Variants in AP3D1 observed in about 807,000 individuals in gnomAD.
AP3D1 encodes AP-3 complex subunit delta-1.
AP3D1 carries 51 observed loss-of-function variants against 147.6 expected under a neutral mutation model. The observed-to-expected ratio is 0.35, with a 90% CI of 0.28 to 0.44. The LOEUF (loss-of-function observed/expected upper bound fraction) is 0.44. Ranked by LOEUF, AP3D1 falls within the 20% of genes least tolerant of loss-of-function variation. The pLI is 1.00. For missense variants in AP3D1, 1,421 were observed against 1,624.2 expected, an observed-to-expected ratio of 0.87 and a Z score of 2.15; for synonymous variants, 760 against 663.0, an observed-to-expected ratio of 1.15 and a Z score of -2.25.
At chr19:2,138,537 G>GA (rs1484284955) in intron 2 of AP3D1, 82 bp downstream of exon 2, 1 of 1,084,932 alleles carries the variant, frequency 9.2e-7, no homozygotes, top group Admixed American at 1.7e-5. Flanking sequence ...CAGGTGGACA[G>GA]ACAGGCTGAT....
At chr19:2,118,311 C>A (rs1301561999) in intron 15 of AP3D1, among the ~76,000 whole-genome samples, 1 of 152,212 alleles carries the variant, frequency 6.6e-6, no homozygotes, top group Non-Finnish European at 1.5e-5. Context: ...GGCTCTCACA[C>A]CTGCTGTCTC....
At chr19:2,136,948 C>T in intron 4 of AP3D1, 63 bp downstream of exon 4, 1 of 1,471,836 alleles carries the variant, frequency 6.8e-7, no homozygotes, top group South Asian at 1.2e-5. Context: ...GTGTGGGAAC[C>T]AGACGCTCCG....
chr19:2,154,849 A>ATTGTGAGT (rs1002066966), upstream of AP3D1, among the ~76,000 whole-genome samples: 1 of 152,238 alleles, frequency 6.6e-6, no homozygotes, highest in Non-Finnish European at 1.5e-5. Flanking sequence ...TTTCTTTATG[A>ATTGTGAGT]TTGTGAGTCA....
chr19:2,148,928 A>G (rs2019433543), intron 1 of AP3D1, among the ~76,000 whole-genome samples: 1 of 152,186 alleles, frequency 6.6e-6, no homozygotes, highest in African/African-American at 2.4e-5. Context: ...TTCCGGGTGC[A>G]GTGGGCGGGA....
intron 26 of AP3D1, 35 bp downstream of exon 26, chr19:2,111,250 G>A (rs1302459222): frequency 1.6e-5 from 25 of 1,612,884 alleles, no homozygotes; most frequent in African/African-American, 1.5e-4. Flanking sequence ...AGTGTGGGCT[G>A]GCCCACCCTG....
intron 14 of AP3D1, among the ~76,000 whole-genome samples, chr19:2,119,144 A>G (rs2018540662): frequency 6.6e-6 from 1 of 152,266 alleles, no homozygotes; most frequent in African/African-American, 2.4e-5. Context: ...GGCAGGGAAC[A>G]GACGGAACCG....
chr19:2,153,553 G>A (rs2019619983), upstream of AP3D1, among the ~76,000 whole-genome samples: 1 of 151,860 alleles, frequency 6.6e-6, no homozygotes, highest in Admixed American at 6.6e-5. Flanking sequence ...GTGGGCACCT[G>A]TAATCCCAGC....
At chr19:2,159,492 G>A (rs1001811896) in intron 1 of AP3D1, among the ~76,000 whole-genome samples, 1 of 149,622 alleles carries the variant, frequency 6.7e-6, no homozygotes, top group African/African-American at 2.5e-5. Flanking sequence ...GGGTTCAAGC[G>A]ATTCTCCCGC....
At chr19:2,110,343 C>T in intron 27 of AP3D1, 119 bp from the exon 28 acceptor site, 1 of 865,716 alleles carries the variant, frequency 1.2e-6, no homozygotes, top group Non-Finnish European at 1.9e-6. Context: ...TGAGCTCAGC[C>T]CCCAAGGGAG....
chr19:2,140,732 C>G (rs2019197736), intron 1 of AP3D1, among the ~76,000 whole-genome samples: 1 of 150,192 alleles, frequency 6.7e-6, no homozygotes, highest in Non-Finnish European at 1.5e-5. Context: ...TAGCTCCTCT[C>G]AGACCAAGCC....
intron 1 of AP3D1, among the ~76,000 whole-genome samples, chr19:2,148,496 T>A (rs1403491379): frequency 1.3e-5 from 2 of 152,214 alleles, no homozygotes; most frequent in African/African-American, 2.4e-5. Context: ...GCATAACCAT[T>A]AAATTGAATT....
At position 2,108,767 on chromosome 19, in the gene AP3D1, C is replaced by G; in HGVS notation, c.3473-1G>C. On this transcript the variant is annotated splice_acceptor_variant, in intron 30 of 31. Transcript: ENST00000643116. LOFTEE classifies it high-confidence loss of function. ...GCGCAGGAGTCCACTCGCTCCACAA[C>G]TGCAACAGAGCGGGCAGTGTTAGGC... The G allele has an allele frequency of 6.4e-7, 1 of 1,565,332 alleles. No individual in the cohort carries two copies. The highest frequency in any genetic ancestry group is 8.7e-7 in the Non-Finnish European group (1 of 1,155,094).
At chr19:2,129,225 G>C (rs374430952) in intron 7 of AP3D1, 62 bp from the exon 8 acceptor site, 50 of 1,609,276 alleles carry the variant, frequency 3.1e-5, no homozygotes, top group Non-Finnish European at 3.6e-5. Flanking sequence ...TGAGGGACAG[G>C]GGGGGCCTCG....
intron 4 of AP3D1, among the ~76,000 whole-genome samples, chr19:2,135,610 G>A (rs756287937): frequency 3.3e-5 from 5 of 152,186 alleles, no homozygotes; most frequent in Non-Finnish European, 4.4e-5. Context: ...CTACACAGAG[G>A]AAGCAGGTGC....
In AP3D1 at chr19:2,120,924, G is replaced by A; in HGVS notation, c.1419C>T (p.Thr473=). The A allele has an allele frequency of 1.2e-6, 2 of 1,611,692 alleles. No individual in the cohort carries two copies. Among genetic ancestry groups the A allele is most frequent in the Non-Finnish European group, 1.7e-6 (2 of 1,179,998 alleles). The part of the protein sequence containing the change: ...LDSAHLLASS[T]QRNGICEVLY... ...GCACCTCACAGATCCCGTTCCGCTG[G>A]GTGCTGCTGGCCAGCAGGTGTGCAC... Residue 473 remains threonine (T), a synonymous_variant, in exon 14 of 32, where the codon ACC becomes ACT. Transcript: ENST00000643116.
At chr19:2,150,224 G>A (rs560529485) in intron 1 of AP3D1, among the ~76,000 whole-genome samples, 1 of 152,344 alleles carries the variant, frequency 6.6e-6, no homozygotes, top group African/African-American at 2.4e-5. Flanking sequence ...TACTGGGACT[G>A]GTGCGGTATC....
chr19:2,128,520 G>A (rs1422816240), intron 8 of AP3D1, among the ~76,000 whole-genome samples: 24 of 85,774 alleles, frequency 2.8e-4, no homozygotes, highest in Middle Eastern at 6.7e-3. Context: ...CCACAGCTCC[G>A]ACACTGCACC....
At chr19:2,127,786 C>T (rs2018799128) in intron 8 of AP3D1, among the ~76,000 whole-genome samples, 1 of 152,230 alleles carries the variant, frequency 6.6e-6, no homozygotes, top group Admixed American at 6.5e-5. Flanking sequence ...CTTGGCCTCC[C>T]AAAGCGCTGG....
intron 24 of AP3D1, 85 bp from the exon 25 acceptor site, chr19:2,111,913 C>G (rs2018293254): frequency 1.9e-6 from 3 of 1,589,298 alleles, no homozygotes; most frequent in Admixed American, 3.4e-5. Context: ...CACAGCAGGG[C>G]TGCTCAGGCT....
Sources: gnomAD v4.1 joint callset for allele counts (sites outside exome capture counted in the v4.1 genomes callset) on GRCh38, gnomAD v4.1.1 for gene constraint, MANE v1.5 for transcripts, NCBI Gene and HGNC (gene_info 2026-07-23, HGNC 2026-07-21) for gene names.